SLC8A1: variants seen among roughly 807,000 people sequenced by gnomAD.
The protein encoded by SLC8A1 is sodium/calcium exchanger 1.
Under a neutral mutation model 68.3 loss-of-function variants are expected in SLC8A1, and 18 were observed. That is an observed-to-expected ratio of 0.26 (90% CI 0.18 to 0.39). The LOEUF (loss-of-function observed/expected upper bound fraction) is 0.39, where lower values mean the gene tolerates loss of function less well. SLC8A1 is among the 10% of genes least tolerant of loss of function. The pLI is 1.00. For synonymous variants in SLC8A1, 475 were observed against 415.5 expected (o/e 1.14, Z -1.74); for missense variants, 985 against 1,156.7 (o/e 0.85, Z 2.15).
chr2:40,299,247 T>C (rs974614887), intron 2 of SLC8A1, among the ~76,000 whole-genome samples: 3 of 152,126 alleles, frequency 2.0e-5, no homozygotes, highest in African/African-American at 7.2e-5. Context: ...TCTCCTGGCA[T>C]CAGGATCCAG....
chr2:40,401,704 G>C (rs894448972), intron 2 of SLC8A1, among the ~76,000 whole-genome samples: 1 of 150,318 alleles, frequency 6.7e-6, no homozygotes, highest in African/African-American at 2.4e-5. Flanking sequence ...TTTACATTTA[G>C]TGTAAGATTT....
chr2:40,292,714 T>C (rs1197408561), intron 2 of SLC8A1, among the ~76,000 whole-genome samples: 4 of 152,194 alleles, frequency 2.6e-5, no homozygotes, highest in Admixed American at 2.6e-4. Flanking sequence ...AACACACCAC[T>C]GTACTTTTTT....
chr2:40,488,939 A>T (rs1042196729), intron 1 of SLC8A1, among the ~76,000 whole-genome samples: 3 of 152,152 alleles, frequency 2.0e-5, no homozygotes, highest in Non-Finnish European at 4.4e-5. Context: ...GGACAGAGGA[A>T]ATTATGTTGG....
chr2:40,115,719 C>A (rs927741045), intron 7 of SLC8A1, 90 bp from the exon 11 acceptor site: 2 of 1,488,224 alleles, frequency 1.3e-6, no homozygotes, highest in African/African-American at 2.8e-5. Flanking sequence ...CTCTAGGACC[C>A]AACCCTTAAT....
intron 2 of SLC8A1, among the ~76,000 whole-genome samples, chr2:40,201,655 G>A (rs1452795855): frequency 1.3e-5 from 2 of 151,900 alleles, no homozygotes; most frequent in Non-Finnish European, 2.9e-5. Context: ...AATGAGTCAT[G>A]TAAACCATGG....
At chr2:40,410,884 G>C (rs2888677) in intron 2 of SLC8A1, among the ~76,000 whole-genome samples, 2 of 151,830 alleles carry the variant, frequency 1.3e-5, no homozygotes, top group African/African-American at 4.8e-5. Flanking sequence ...ACTAAGTTCA[G>C]GAGTATATAA....
chr2:40,396,589 T>C (rs1408190178), intron 2 of SLC8A1, among the ~76,000 whole-genome samples: 2 of 151,472 alleles, frequency 1.3e-5, no homozygotes, highest in African/African-American at 4.9e-5. Context: ...CTGGAAAAAC[T>C]AGTTGGCAAT....
At chr2:40,186,295 G>A (rs1260354757) in intron 2 of SLC8A1, among the ~76,000 whole-genome samples, 1 of 152,186 alleles carries the variant, frequency 6.6e-6, no homozygotes, top group African/African-American at 2.4e-5. Context: ...ACTACCTACA[G>A]GAGATGATGA....
intron 2 of SLC8A1, among the ~76,000 whole-genome samples, chr2:40,373,846 C>T (rs1260160739): frequency 1.3e-5 from 2 of 152,086 alleles, no homozygotes; most frequent in African/African-American, 2.4e-5. Context: ...ATTTGTGCTC[C>T]ATATTCCCTG....
chr2:40,462,668 T>A (rs1487943588), intron 1 of SLC8A1, among the ~76,000 whole-genome samples: 1 of 151,702 alleles, frequency 6.6e-6, no homozygotes, highest in Non-Finnish European at 1.5e-5. Context: ...ATTAGTCAGA[T>A]GTGGTGGTGC....
chr2:40,486,777 G>T (rs1201230825), intron 1 of SLC8A1, among the ~76,000 whole-genome samples: 2 of 150,686 alleles, frequency 1.3e-5, no homozygotes, highest in Admixed American at 1.3e-4. Context: ...CAATGTGCAG[G>T]TTTGTTACAT....
chr2:40,473,730 G>T (rs1171222227), intron 1 of SLC8A1, among the ~76,000 whole-genome samples: 1 of 152,174 alleles, frequency 6.6e-6, no homozygotes, highest in Non-Finnish European at 1.5e-5. Context: ...GTAAGAAACA[G>T]AATTAAATGG....
At chr2:40,146,172 A>G (rs1164855760) in intron 6 of SLC8A1, among the ~76,000 whole-genome samples, 2 of 152,230 alleles carry the variant, frequency 1.3e-5, no homozygotes, top group African/African-American at 4.8e-5. Context: ...GCACAGAAGA[A>G]AATGTAGGCA....
upstream of SLC8A1, among the ~76,000 whole-genome samples, chr2:40,456,316 C>A (rs1426041139): frequency 1.1e-3 from 115 of 102,402 alleles, no homozygotes; most frequent in Non-Finnish European, 1.4e-3. Context: ...GACTCCGTCT[C>A]AAAAAAAAAA....
chr2:40,235,468 C>T lies in SLC8A1; in HGVS notation c.1809-57613G>A, dbSNP rs1348832765. ...ATATCCCCTTTATCATTTTTTATTG[C>T]GTCTATTTGAGTCTTCTCTCTTTTT... is the stretch of plus-strand genomic sequence containing the variant. On this transcript the variant is annotated intron_variant, in intron 2 of 7. Coordinates refer to ENST00000406785, the Ensembl canonical transcript of SLC8A1. 5.1e-3 allele frequency among the ~76,000 whole-genome samples: 781 copies of T among 152,006 alleles called. 5 individuals are homozygous for T. The highest frequency in any genetic ancestry group is 0.015 in the African/African-American group (637 of 41,450).
chr2:40,390,761 G>A (rs924553589), intron 2 of SLC8A1, among the ~76,000 whole-genome samples: 3 of 152,008 alleles, frequency 2.0e-5, no homozygotes, highest in African/African-American at 7.2e-5. Flanking sequence ...TTTAACATCA[G>A]GGGACTGCAT....
intron 2 of SLC8A1, among the ~76,000 whole-genome samples, chr2:40,211,897 A>G (rs1015260154): frequency 6.6e-6 from 1 of 152,222 alleles, no homozygotes; most frequent in Admixed American, 6.5e-5. Context: ...GTCACACACT[A>G]AAAACATAAA....
At chr2:40,189,475 C>T (rs554158151) in intron 2 of SLC8A1, among the ~76,000 whole-genome samples, 163 of 152,130 alleles carry the variant, frequency 1.1e-3, no homozygotes, top group African/African-American at 3.5e-3. Context: ...AGCATGCCAC[C>T]GCGCCCGAAT....
At chr2:40,308,115 G>A (rs1048570816) in intron 2 of SLC8A1, among the ~76,000 whole-genome samples, 1 of 152,132 alleles carries the variant, frequency 6.6e-6, no homozygotes. Flanking sequence ...CCAATATACA[G>A]ACTACTAGAG....
Sources: gnomAD v4.1 joint callset for allele counts (sites outside exome capture counted in the v4.1 genomes callset) on GRCh38, gnomAD v4.1.1 for gene constraint, MANE v1.5 for transcripts, NCBI Gene and HGNC (gene_info 2026-07-23, HGNC 2026-07-21) for gene names.